Variants in KLHL1 observed in about 807,000 individuals in gnomAD.
KLHL1 encodes the protein kelch-like protein 1.
A neutral mutation model predicts 77.7 loss-of-function variants in KLHL1; 47 were observed. The ratio of observed to expected loss-of-function variants is 0.60; its 90% CI spans 0.48 to 0.77. The LOEUF is 0.77. KLHL1 is among the 30% of genes least tolerant of loss of function. KLHL1 has a pLI of 0.00. For missense variants in KLHL1, 925 were observed against 910.8 expected, an observed-to-expected ratio of 1.02 and a Z score of -0.20; for synonymous variants, 360 against 325.2, an observed-to-expected ratio of 1.11 and a Z score of -1.15.
At chr13:69,904,394 A>C (rs1312621918) in intron 4 of KLHL1, among the ~76,000 whole-genome samples, 1 of 152,132 alleles carries the variant, frequency 6.6e-6, no homozygotes, top group Non-Finnish European at 1.5e-5. Flanking sequence ...ATCCCTCCTC[A>C]ATATCTTTAT....
intron 1 of KLHL1, among the ~76,000 whole-genome samples, chr13:70,069,024 C>G (rs961222561): frequency 6.6e-6 from 1 of 152,094 alleles, no homozygotes; most frequent in Non-Finnish European, 1.5e-5. Flanking sequence ...AAGGCCTGAC[C>G]TCAAGGCAAA....
At position 70,084,461 on chromosome 13, in the gene KLHL1, C is replaced by CTTTTTTTTTTTTTTTTTTTT. The variant is rs1324246935; in HGVS notation, c.497+22741_497+22742insAAAAAAAAAAAAAAAAAAAA. Among the ~76,000 whole-genome samples, 16 of 115,102 alleles carry CTTTTTTTTTTTTTTTTTTTT rather than the reference C, an allele frequency of 1.4e-4. 1 individual carries two copies. Among genetic ancestry groups the CTTTTTTTTTTTTTTTTTTTT allele is most frequent in the East Asian group, 2.4e-4 (1 of 4,174 alleles). The allele number at this position is 115,102 out of a possible 152,430, so 75.5% of individuals were successfully genotyped here. On this transcript the variant is annotated intron_variant, in intron 1 of 10. Transcript: ENST00000377844. ...GATATTTTCTAGTCTATTTCTTCTT[C>CTTTTTTTTTTTTTTTTTTTT]TTCTTTTTTTTTTTTTGAGACGGAG...
intron 7 of KLHL1, among the ~76,000 whole-genome samples, chr13:69,777,146 CTT>C (rs1875872805): frequency 1.3e-5 from 2 of 152,234 alleles, no homozygotes; most frequent in Non-Finnish European, 2.9e-5. Context: ...CACATGCTCT[CTT>C]GTCTGCCATC....
intron 1 of KLHL1, among the ~76,000 whole-genome samples, chr13:70,014,477 T>A (rs1885609298): frequency 6.6e-6 from 1 of 152,006 alleles, no homozygotes; most frequent in Non-Finnish European, 1.5e-5. Flanking sequence ...TATCAGATGA[T>A]CAAAAGTAGA....
chr13:69,884,334 T>C (rs1881113175), intron 4 of KLHL1, among the ~76,000 whole-genome samples: 1 of 152,004 alleles, frequency 6.6e-6, no homozygotes, highest in Non-Finnish European at 1.5e-5. Context: ...TTCCTTGTGT[T>C]TCCTTTGGGC....
chr13:69,969,821 C>T lies in KLHL1; in HGVS notation c.680+5799G>A, dbSNP rs561811756. The stretch of plus-strand genomic sequence containing the variant: ...TATTTTTATATGCACATATTTAGTT[C>T]TATTAATGCTAGAGAACCTGGAGTA... On this transcript the variant is annotated intron_variant, in intron 2 of 10. Coordinates refer to ENST00000377844, the MANE Select transcript of KLHL1 (RefSeq NM_020866.3). Among the ~76,000 whole-genome samples, 140 of 152,132 alleles carry T rather than the reference C, an allele frequency of 9.2e-4. 1 individual carries two copies. Among genetic ancestry groups the T allele is most frequent in the Non-Finnish European group, 1.6e-3 (106 of 67,974 alleles).
intron 5 of KLHL1, among the ~76,000 whole-genome samples, chr13:69,841,071 C>G (rs954076364): frequency 6.6e-6 from 1 of 151,812 alleles, no homozygotes; most frequent in East Asian, 1.9e-4. Flanking sequence ...CATAAAGATA[C>G]TATTCTTTCA....
chr13:69,837,399 T>C (rs1879042396), intron 6 of KLHL1, among the ~76,000 whole-genome samples: 1 of 151,458 alleles, frequency 6.6e-6, no homozygotes, highest in Non-Finnish European at 1.5e-5. Flanking sequence ...AAAAATTTAA[T>C]AACATAATTT....
chr13:69,833,802 T>C (rs1336412046), intron 6 of KLHL1, among the ~76,000 whole-genome samples: 1 of 112,016 alleles, frequency 8.9e-6, no homozygotes, highest in African/African-American at 3.8e-5. Flanking sequence ...TTGTGTTCTA[T>C]ATATATATAT....
chr13:69,812,644 C>T (rs1453150294), intron 6 of KLHL1, among the ~76,000 whole-genome samples: 1 of 151,908 alleles, frequency 6.6e-6, no homozygotes, highest in Non-Finnish European at 1.5e-5. Context: ...ACAACCCCAT[C>T]AAAAAGTGGG....
At chr13:69,720,643 G>A (rs1408315571) in intron 8 of KLHL1, among the ~76,000 whole-genome samples, 3 of 151,978 alleles carry the variant, frequency 2.0e-5, no homozygotes, top group African/African-American at 7.2e-5. Context: ...TAAGTAACCA[G>A]AAAAGGTCTC....
intron 6 of KLHL1, among the ~76,000 whole-genome samples, chr13:69,821,148 G>A (rs1194743231): frequency 6.6e-6 from 1 of 152,010 alleles, no homozygotes; most frequent in South Asian, 2.1e-4. Flanking sequence ...TGTACGAACT[G>A]TTCTTAGTAC....
At chr13:69,893,880 A>G (rs1269304497) in intron 4 of KLHL1, among the ~76,000 whole-genome samples, 3 of 152,128 alleles carry the variant, frequency 2.0e-5, no homozygotes, top group Non-Finnish European at 2.9e-5. Context: ...TTTTTTGGGA[A>G]ACACAGTGTT....
chr13:69,925,798 T>C (rs376428396), intron 4 of KLHL1, among the ~76,000 whole-genome samples: 77 of 152,344 alleles, frequency 5.1e-4, no homozygotes, highest in Non-Finnish European at 9.6e-4. Flanking sequence ...TACCATCATG[T>C]TGTTACTCTC....
At chr13:70,083,786 G>A (rs1793260442) in intron 1 of KLHL1, among the ~76,000 whole-genome samples, 1 of 151,896 alleles carries the variant, frequency 6.6e-6, no homozygotes, top group African/African-American at 2.4e-5. Flanking sequence ...TTGTAAGTCT[G>A]AATTACAAAG....
intron 4 of KLHL1, among the ~76,000 whole-genome samples, chr13:69,885,175 C>G (rs996249739): frequency 2.2e-5 from 3 of 136,278 alleles, no homozygotes; most frequent in Non-Finnish European, 4.6e-5. Context: ...CTCCTGACCT[C>G]GTGATCCACC....
At chr13:69,960,913 G>A (rs1304116189) in intron 3 of KLHL1, among the ~76,000 whole-genome samples, 2 of 151,812 alleles carry the variant, frequency 1.3e-5, no homozygotes, top group Non-Finnish European at 2.9e-5. Flanking sequence ...AAATTTTTAC[G>A]TTAAAGTAAC....
intron 6 of KLHL1, 44 bp from the exon 7 acceptor site, chr13:69,797,006 CAACA>C (rs1173286878): frequency 6.7e-7 from 1 of 1,483,566 alleles, no homozygotes; most frequent in Admixed American, 1.7e-5. Flanking sequence ...GCTATAAATT[CAACA>C]AACAGCCTGC....
At chr13:69,992,104 A>G (rs1033766919) in intron 1 of KLHL1, among the ~76,000 whole-genome samples, 2 of 151,968 alleles carry the variant, frequency 1.3e-5, no homozygotes, top group Non-Finnish European at 2.9e-5. Context: ...GAATATTAGT[A>G]TATGTCCTGG....
Sources: allele counts gnomAD v4.1 joint callset (sites outside exome capture counted in the v4.1 genomes callset), GRCh38; gene constraint gnomAD v4.1.1; transcripts MANE v1.5; gene names NCBI Gene and HGNC (gene_info 2026-07-23, HGNC 2026-07-21).